The following ROBO2 variants were observed in gnomAD, a reference collection of about 807,000 sequenced individuals.
ROBO2 encodes the protein roundabout guidance receptor 2.
Under a neutral mutation model 160.8 loss-of-function variants are expected in ROBO2, and 53 were observed. The observed-to-expected ratio is 0.33, with a 90% CI of 0.26 to 0.41. The LOEUF (loss-of-function observed/expected upper bound fraction) is 0.41. Among genes scored for constraint, ROBO2 ranks in the 10% least tolerant of loss-of-function variants. The probability of loss-of-function intolerance (pLI) is 1.00; values close to 1 mark genes in which losing one functional copy is unlikely to be tolerated. For missense variants in ROBO2, 1,577 were observed against 1,722.4 expected, an observed-to-expected ratio of 0.92 and a Z score of 1.49; for synonymous variants, 664 against 611.7, an observed-to-expected ratio of 1.09 and a Z score of -1.26.
chr3:76,323,173 A>ACACACC (rs1185191053), intron 2 of ROBO2, among the ~76,000 whole-genome samples: 1 of 150,972 alleles, frequency 6.6e-6, no homozygotes, highest in South Asian at 2.1e-4. Flanking sequence ...ACACACACAC[A>ACACACC]CACCCCTAAA....
intron 2 of ROBO2, among the ~76,000 whole-genome samples, chr3:76,521,745 T>G (rs2081629395): frequency 6.6e-6 from 1 of 152,202 alleles, no homozygotes; most frequent in African/African-American, 2.4e-5. Context: ...TTGCCTTGTC[T>G]GCACTTCTTT....
intron 2 of ROBO2, among the ~76,000 whole-genome samples, chr3:76,526,938 G>T (rs1425740745): frequency 6.6e-6 from 1 of 151,954 alleles, no homozygotes; most frequent in Non-Finnish European, 1.5e-5. Context: ...TACCATATTT[G>T]TTCCTTGTAA....
chr3:76,357,417 TGTAAA>T (rs1559815738), intron 2 of ROBO2, among the ~76,000 whole-genome samples: 2 of 151,914 alleles, frequency 1.3e-5, no homozygotes, highest in South Asian at 2.1e-4. Flanking sequence ...ACCTCAAAAA[TGTAAA>T]GAAAAGACAA....
intron 2 of ROBO2, among the ~76,000 whole-genome samples, chr3:77,375,269 T>C (rs757100818): frequency 5.3e-5 from 8 of 152,252 alleles, no homozygotes; most frequent in Non-Finnish European, 1.2e-4. Context: ...GTCATTGATT[T>C]AGAAAGTCTA....
rs112839701 is a variant in ROBO2 at position 76,824,348 on chromosome 3, C to T, written c.110-273666C>T. 2.0e-3 allele frequency among the ~76,000 whole-genome samples: 301 copies of T among 152,308 alleles called. 2 individuals are homozygous for T. The highest frequency in any genetic ancestry group is 6.7e-3 in the African/African-American group (277 of 41,584). On this transcript the variant is annotated intron_variant, in intron 2 of 26. Coordinates refer to the ROBO2 transcript ENST00000487694. ...CTGACCTCAAGTGATCCACCCACCT[C>T]AGCCTTCCAGAGTGCTGGGATTATA...
chr3:76,887,367 C>T (rs2073986196), intron 2 of ROBO2, among the ~76,000 whole-genome samples: 1 of 151,756 alleles, frequency 6.6e-6, no homozygotes, highest in African/African-American at 2.4e-5. Context: ...CTAGTTCTAA[C>T]TCCTAGTTAG....
intron 2 of ROBO2, among the ~76,000 whole-genome samples, chr3:75,995,423 C>T (rs1413674160): frequency 2.6e-5 from 4 of 152,128 alleles, no homozygotes; most frequent in Admixed American, 2.6e-4. Flanking sequence ...ATGTTGGGCC[C>T]ATTGGTATAC....
intron 2 of ROBO2, among the ~76,000 whole-genome samples, chr3:76,069,234 T>G (rs2107944953): frequency 6.6e-6 from 1 of 152,324 alleles, no homozygotes; most frequent in South Asian, 2.1e-4. Context: ...ACTTTCTGAT[T>G]TTCTCCCTAA....
chr3:76,625,102 G>T (rs1361579009), intron 2 of ROBO2, among the ~76,000 whole-genome samples: 1 of 151,930 alleles, frequency 6.6e-6, no homozygotes, highest in Non-Finnish European at 1.5e-5. Context: ...ACAGAACTTA[G>T]ATCTATCAAT....
intron 2 of ROBO2, among the ~76,000 whole-genome samples, chr3:76,852,437 G>C (rs933978894): frequency 3.3e-5 from 5 of 152,114 alleles, no homozygotes; most frequent in African/African-American, 4.8e-5. Flanking sequence ...CATCTACCAA[G>C]GATCTCAGTA....
intron 2 of ROBO2, among the ~76,000 whole-genome samples, chr3:76,256,571 C>A (rs1272521292): frequency 6.6e-6 from 1 of 151,648 alleles, no homozygotes; most frequent in Non-Finnish European, 1.5e-5. Flanking sequence ...ATTAGTCAGG[C>A]TTGATGATAG....
At chr3:76,603,383 T>TAG (rs2087388571) in intron 2 of ROBO2, among the ~76,000 whole-genome samples, 1 of 134,762 alleles carries the variant, frequency 7.4e-6, no homozygotes, top group Non-Finnish European at 1.6e-5. Flanking sequence ...TATATATATA[T>TAG]ATATGAGTAG....
intron 2 of ROBO2, among the ~76,000 whole-genome samples, chr3:76,481,065 G>T (rs1214615114): frequency 6.6e-6 from 1 of 152,088 alleles, no homozygotes; most frequent in Non-Finnish European, 1.5e-5. Context: ...CTTTTGACTA[G>T]CCATACCCAG....
chr3:76,819,661 A>T (rs1250215429), intron 2 of ROBO2, among the ~76,000 whole-genome samples: 1 of 151,998 alleles, frequency 6.6e-6, no homozygotes, highest in Non-Finnish European at 1.5e-5. Context: ...TTCTTTTTAA[A>T]CCTCTAGGCT....
intron 12 of ROBO2, 44 bp downstream of exon 13, chr3:77,565,164 A>G: frequency 6.2e-7 from 1 of 1,605,028 alleles, no homozygotes; most frequent in South Asian, 1.1e-5. Flanking sequence ...AGGCAGAAAC[A>G]TCAGATATTT....
intron 2 of ROBO2, among the ~76,000 whole-genome samples, chr3:77,288,995 T>TCC (rs1491579345): frequency 1.3e-5 from 2 of 152,148 alleles, no homozygotes; most frequent in Non-Finnish European, 2.9e-5. Context: ...GTGTTATGAC[T>TCC]TTAAGAGTTT....
chr3:75,980,091 A>G (rs998838016), intron 2 of ROBO2, among the ~76,000 whole-genome samples: 1 of 151,574 alleles, frequency 6.6e-6, no homozygotes, highest in Admixed American at 6.6e-5. Context: ...ATGAGTAGCA[A>G]TACCAGTTGA....
chr3:76,767,779 A>C (rs1687937423), intron 2 of ROBO2, among the ~76,000 whole-genome samples: 1 of 151,546 alleles, frequency 6.6e-6, no homozygotes, highest in African/African-American at 2.4e-5. Context: ...TAGATGTTTT[A>C]GCTTCCACTT....
At chr3:76,365,243 A>G (rs903253082) in intron 2 of ROBO2, among the ~76,000 whole-genome samples, 6 of 152,178 alleles carry the variant, frequency 3.9e-5, no homozygotes, top group African/African-American at 1.4e-4. Context: ...ATAGAAGAGG[A>G]TACCTTATTC....
Sources: allele counts gnomAD v4.1 joint callset (sites outside exome capture counted in the v4.1 genomes callset), GRCh38; gene constraint gnomAD v4.1.1; transcripts MANE v1.5; gene names NCBI Gene and HGNC (gene_info 2026-07-23, HGNC 2026-07-21).